Variants in SH3KBP1 observed in about 807,000 individuals in gnomAD.
The protein encoded by SH3KBP1 is SH3 domain containing kinase binding protein 1.
Under a neutral mutation model 50.1 loss-of-function variants are expected in SH3KBP1, and 8 were observed. That is an observed-to-expected ratio of 0.16 (90% CI 0.09 to 0.29). SH3KBP1 has a LOEUF of 0.29. Among genes scored for constraint, SH3KBP1 ranks in the 10% least tolerant of loss-of-function variants. The pLI is 1.00. For missense variants in SH3KBP1, 377 were observed against 535.2 expected, an observed-to-expected ratio of 0.70 and a Z score of 2.92; for synonymous variants, 227 against 218.6, an observed-to-expected ratio of 1.04 and a Z score of -0.34.
chrX:19,541,327 C>G (rs374184460), intron 16 of SH3KBP1, among the ~76,000 whole-genome samples: 1 of 111,983 alleles, frequency 8.9e-6, no homozygotes, highest in African/African-American at 3.2e-5. Flanking sequence ...AAAGTGCTCC[C>G]TGAGGATTAG....
At chrX:19,828,427 CT>C (rs1488835691) in intron 2 of SH3KBP1, among the ~76,000 whole-genome samples, 3 of 112,018 alleles carry the variant, frequency 2.7e-5, no homozygotes, top group African/African-American at 9.8e-5. Context: ...AATCCCAACA[CT>C]TGGGCAGGCC....
chrX:19,560,118 A>G (rs1012639640), intron 13 of SH3KBP1, among the ~76,000 whole-genome samples: 1 of 108,228 alleles, frequency 9.2e-6, no homozygotes, highest in African/African-American at 3.5e-5. Context: ...ACACCCCATC[A>G]CTAAAAATAA....
Position 19,534,045 on chromosome X carries a change from C to G in SH3KBP1, c.*2372G>C, listed in dbSNP as rs1249267231. On this transcript the variant is annotated 3_prime_UTR_variant, in exon 18 of 18. Coordinates refer to ENST00000397821, the MANE Select transcript of SH3KBP1 (RefSeq NM_031892.3). ...ATACTTAAGACTTTTCTAAATACAA[C>G]TTTATAAAATGAAGCAAAAAAATAA... The G allele has an allele frequency of 9.0e-6, 1 of 111,097 alleles. No homozygotes were observed. The highest frequency in any genetic ancestry group is 1.9e-5 in the Non-Finnish European group (1 of 53,066). The allele number at this position is 111,097 out of a possible 1,213,427, so 9.2% of individuals were successfully genotyped here.
intron 3 of SH3KBP1, among the ~76,000 whole-genome samples, chrX:19,727,688 T>TA (rs911876756): frequency 1.8e-5 from 2 of 112,388 alleles, no homozygotes; most frequent in Non-Finnish European, 3.8e-5. Context: ...AAACATGCTT[T>TA]AAAAAATATC....
At chrX:19,648,960 C>T (rs939259088) in intron 6 of SH3KBP1, among the ~76,000 whole-genome samples, 5 of 111,788 alleles carry the variant, frequency 4.5e-5, no homozygotes, top group Non-Finnish European at 9.4e-5. Context: ...AAGGGCATGC[C>T]TCATGAACGC....
chrX:19,551,477 C>T (rs1157056497), intron 13 of SH3KBP1, among the ~76,000 whole-genome samples: 1 of 110,403 alleles, frequency 9.1e-6, no homozygotes, highest in African/African-American at 3.3e-5. Flanking sequence ...AAGCTGACCC[C>T]TCTCAGGGGC....
At chrX:19,737,328 T>C (rs2064616854) in intron 3 of SH3KBP1, among the ~76,000 whole-genome samples, 1 of 111,453 alleles carries the variant, frequency 9.0e-6, no homozygotes, top group Admixed American at 9.5e-5. Flanking sequence ...TTCAATTCCC[T>C]GGGCAGAGGC....
chrX:19,875,593 C>A (rs936397365), intron 1 of SH3KBP1, among the ~76,000 whole-genome samples: 3 of 112,591 alleles, frequency 2.7e-5, no homozygotes, highest in Non-Finnish European at 3.8e-5. Flanking sequence ...ATGCGCCCTC[C>A]TTCAACATTT....
At chrX:19,760,523 G>A (rs1216819067) in intron 2 of SH3KBP1, among the ~76,000 whole-genome samples, 1 of 109,677 alleles carries the variant, frequency 9.1e-6, no homozygotes, top group African/African-American at 3.3e-5. Flanking sequence ...AGTGGGCACC[G>A]AGAATTGGAC....
At position 19,544,286 on chromosome X, in the gene SH3KBP1, A is replaced by G. The variant is rs372831870; in HGVS notation, c.1623+1636T>C. ...GGAGTCAGAGTAAGAGGGAAGAGGA[A>G]CTGACATTTCTGGAGCAATGATCAC... On this transcript the variant is annotated intron_variant, in intron 15 of 17. Transcript: ENST00000397821. Among the ~76,000 whole-genome samples, 4 of 111,039 alleles carry G rather than the reference A, an allele frequency of 3.6e-5. No homozygotes were observed. The East Asian group carries it at 1.1e-3, about 32-fold the overall frequency.
intron 1 of SH3KBP1, among the ~76,000 whole-genome samples, chrX:19,838,100 A>ACAT (rs2147439850): frequency 9.0e-6 from 1 of 110,980 alleles, no homozygotes; most frequent in African/African-American, 3.3e-5. Context: ...AACAACAACA[A>ACAT]ACCAACTTCA....
At chrX:19,773,981 A>C (rs2065882545) in intron 2 of SH3KBP1, among the ~76,000 whole-genome samples, 1 of 109,425 alleles carries the variant, frequency 9.1e-6, no homozygotes, top group African/African-American at 3.3e-5. Context: ...TGGGGAGAAG[A>C]AGCTCATGTC....
intron 3 of SH3KBP1, among the ~76,000 whole-genome samples, chrX:19,741,214 ACAAT>A (rs1461612283): frequency 5.3e-5 from 6 of 112,285 alleles, no homozygotes; most frequent in Admixed American, 3.8e-4. Flanking sequence ...GCAATGTTCT[ACAAT>A]CAGTCATACC....
In SH3KBP1 at chrX:19,776,532, G is replaced by GTTTTTTTTTTTTT. The variant is rs72090569; in HGVS notation, c.163-30104_163-30092dup. On this transcript the variant is annotated intron_variant, in intron 2 of 17. Coordinates refer to ENST00000397821, the MANE Select transcript of SH3KBP1 (RefSeq NM_031892.3). ...ATTCTAAATCTAGCTTGACAACCTG[G>GTTTTTTTTTTTTT]TTTTTTTTTTTTTTTTTTTTTTTTT... 5.8e-4 allele frequency among the ~76,000 whole-genome samples: 15 copies of GTTTTTTTTTTTTT among 25,683 alleles called. 3 individuals carry two copies. The highest frequency in any genetic ancestry group is 2.0e-3 in the East Asian group (1 of 507). The allele number at this position is 25,683 out of a possible 115,157, so 22.3% of individuals were successfully genotyped here.
chrX:19,868,140 A>G (rs2068959268), intron 1 of SH3KBP1, among the ~76,000 whole-genome samples: 2 of 112,263 alleles, frequency 1.8e-5, no homozygotes, highest in Admixed American at 1.9e-4. Flanking sequence ...GGCTCTGGCC[A>G]CGATGTGCTA....
chrX:19,767,713 A>C (rs1234074336), intron 2 of SH3KBP1, among the ~76,000 whole-genome samples: 1 of 111,350 alleles, frequency 9.0e-6, no homozygotes, highest in Non-Finnish European at 1.9e-5. Flanking sequence ...GAACGTGCAC[A>C]GTAAATGGCA....
At chrX:19,567,052 T>C (rs1272911903) in intron 13 of SH3KBP1, among the ~76,000 whole-genome samples, 1 of 110,141 alleles carries the variant, frequency 9.1e-6, no homozygotes, top group Admixed American at 9.8e-5. Flanking sequence ...CAGATGATGC[T>C]GGAAAGCTAT....
At chrX:19,849,040 G>A (rs1238288077) in intron 1 of SH3KBP1, among the ~76,000 whole-genome samples, 1 of 110,440 alleles carries the variant, frequency 9.1e-6, no homozygotes, top group African/African-American at 3.3e-5. Context: ...GAACTCTTGG[G>A]CTCAAATGAT....
intron 15 of SH3KBP1, among the ~76,000 whole-genome samples, chrX:19,543,459 G>T (rs1225690268): frequency 8.9e-6 from 1 of 111,777 alleles, no homozygotes; most frequent in Non-Finnish European, 1.9e-5. Context: ...ATGCGTGGGT[G>T]AAGGGTGCTG....
Sources: allele counts gnomAD v4.1 joint callset (sites outside exome capture counted in the v4.1 genomes callset), GRCh38; gene constraint gnomAD v4.1.1; transcripts MANE v1.5; gene names NCBI Gene and HGNC (gene_info 2026-07-23, HGNC 2026-07-21).